CSMD1: variants seen among roughly 807,000 people sequenced by gnomAD.
CSMD1 encodes the protein CUB and sushi domain-containing protein 1.
A neutral mutation model predicts 417.5 loss-of-function variants in CSMD1; 213 were observed. That is an observed-to-expected ratio of 0.51 (90% confidence interval 0.46 to 0.57). CSMD1 has a LOEUF of 0.57. Among genes scored for constraint, CSMD1 ranks in the 20% least tolerant of loss-of-function variants. The pLI is 0.00. For missense variants in CSMD1, 6,923 were observed against 4,529.7 expected (o/e 1.53, Z -15.17); for synonymous variants, 2,862 against 1,736.8 (o/e 1.65, Z -16.11).
intron 1 of CSMD1, among the ~76,000 whole-genome samples, chr8:4,834,576 G>T (rs1288573098): frequency 6.6e-6 from 1 of 151,940 alleles, no homozygotes. Context: ...GAAGTAATAC[G>T]AGTTCAAAAA....
chr8:3,000,598 G>C (rs973110314), intron 52 of CSMD1, among the ~76,000 whole-genome samples: 1 of 152,182 alleles, frequency 6.6e-6, no homozygotes, highest in East Asian at 1.9e-4. Flanking sequence ...CAAATGGAAA[G>C]ACAGGGATCA....
rs77711871 is a variant in CSMD1, at chr8:3,786,348, C to T, written c.819-32306G>A. On this transcript the variant is annotated intron_variant, in intron 5 of 69. Coordinates refer to ENST00000635120, the MANE Select transcript of CSMD1 (RefSeq NM_033225.6). ...GTTGGATGGAGGGTCACTGAGACCA[C>T]GGGCTTGGGTGACCTCATTTAGGGA... 7.5e-3 allele frequency among the ~76,000 whole-genome samples: 1,139 copies of T among 152,102 alleles called. 18 individuals are homozygous for T. The highest frequency in any genetic ancestry group is 0.027 in the African/African-American group (1,101 of 41,472).
chr8:3,499,067 C>T (rs1194952885), intron 10 of CSMD1, among the ~76,000 whole-genome samples: 1 of 152,094 alleles, frequency 6.6e-6, no homozygotes, highest in Non-Finnish European at 1.5e-5. Context: ...GCTTTTTAGA[C>T]ATTTCTTGTG....
intron 2 of CSMD1, among the ~76,000 whole-genome samples, chr8:4,519,468 G>A (rs1489812061): frequency 1.3e-5 from 2 of 151,868 alleles, no homozygotes; most frequent in Non-Finnish European, 2.9e-5. Context: ...AGCTGGGCAT[G>A]GTGGCTCACG....
intron 10 of CSMD1, among the ~76,000 whole-genome samples, chr8:3,511,741 G>A (rs1188923442): frequency 1.4e-5 from 2 of 139,204 alleles, no homozygotes; most frequent in Non-Finnish European, 3.1e-5. Context: ...GGGTGACAGA[G>A]TGAGACTCCA....
chr8:4,740,504 G>T (rs1477709559), intron 1 of CSMD1, among the ~76,000 whole-genome samples: 1 of 152,152 alleles, frequency 6.6e-6, no homozygotes, highest in Non-Finnish European at 1.5e-5. Context: ...GTAAATGACA[G>T]AAATTTTCTT....
chr8:3,451,707 T>G (rs1177199922), intron 12 of CSMD1, among the ~76,000 whole-genome samples: 1 of 152,236 alleles, frequency 6.6e-6, no homozygotes, highest in Non-Finnish European at 1.5e-5. Flanking sequence ...CATGCTGTTT[T>G]GGTTACGGTA....
chr8:3,473,691 G>T (rs148020126), intron 11 of CSMD1, among the ~76,000 whole-genome samples: 1 of 152,166 alleles, frequency 6.6e-6, no homozygotes, highest in Non-Finnish European at 1.5e-5. Flanking sequence ...TTTGTTGAAT[G>T]TCATTTCATT....
chr8:3,724,747 C>A (rs564781155), intron 6 of CSMD1, among the ~76,000 whole-genome samples: 2 of 152,282 alleles, frequency 1.3e-5, no homozygotes, highest in Admixed American at 1.3e-4. Flanking sequence ...TTAGTATTTT[C>A]TTCTGTTATG....
At chr8:3,108,137 G>T (rs1006312524) in intron 44 of CSMD1, among the ~76,000 whole-genome samples, 6 of 152,186 alleles carry the variant, frequency 3.9e-5, no homozygotes, top group African/African-American at 1.2e-4. Context: ...GATAACGTCT[G>T]CCCTGTCCCG....
At position 3,223,815 on chromosome 8, in the gene CSMD1, G is replaced by A. The variant is rs1286567338; in HGVS notation, c.4398C>T (p.Asn1466=). 6.2e-7 allele frequency: 1 copy of A among 1,613,894 alleles called. No individual in the cohort carries two copies. Among genetic ancestry groups the A allele is most frequent in the African/African-American group, 1.3e-5 (1 of 75,032 alleles). ...TCCCAGGAGGATACGGCTGTGGGTA[G>A]TTGGGTGACAAAATAACACCTGCTG... ...TGPAGVILSP[N]YPQPYPPGKE... is the part of the protein sequence containing the mutation. The change falls in exon 28 of 70, where the codon AAC becomes AAT. Residue 1466 remains asparagine, a synonymous_variant. Transcript: ENST00000635120.
intron 3 of CSMD1, among the ~76,000 whole-genome samples, chr8:4,204,565 A>G (rs895059581): frequency 2.0e-5 from 3 of 152,174 alleles, no homozygotes; most frequent in African/African-American, 4.8e-5. Flanking sequence ...CCTTTTCTAT[A>G]CTGAGAGGAA....
At position 3,340,891 on chromosome 8, in the gene CSMD1, A is replaced by T. The variant is rs183127584; in HGVS notation, c.3631+2403T>A. On this transcript the variant is annotated intron_variant, in intron 23 of 69. Transcript: ENST00000635120. The stretch of plus-strand genomic sequence containing the variant: ...GGAACAGAAAGGTGAAACAGGGAGA[A>T]CAAGAAAATTACTCCTGTCAAATTG... Among the ~76,000 whole-genome samples the T allele has an allele frequency of 9.9e-4, 151 of 152,322 alleles. 1 individual carries two copies. The highest frequency in any genetic ancestry group is 3.6e-3 in the African/African-American group (148 of 41,574).
intron 3 of CSMD1, among the ~76,000 whole-genome samples, chr8:4,326,599 C>T (rs545344675): frequency 6.6e-6 from 1 of 152,174 alleles, no homozygotes; most frequent in African/African-American, 2.4e-5. Context: ...TTCTCTCCTA[C>T]GGAGAAAACA....
intron 5 of CSMD1, among the ~76,000 whole-genome samples, chr8:3,968,687 G>C (rs1351781927): frequency 6.6e-6 from 1 of 152,116 alleles, no homozygotes; most frequent in Non-Finnish European, 1.5e-5. Context: ...TAGTCATTAA[G>C]CTTGCTCTTA....
chr8:3,793,087 A>C (rs1000608025), intron 5 of CSMD1, among the ~76,000 whole-genome samples: 6 of 152,156 alleles, frequency 3.9e-5, no homozygotes, highest in African/African-American at 1.4e-4. Context: ...GGGGCAATTA[A>C]CACTTCCAAA....
intron 3 of CSMD1, among the ~76,000 whole-genome samples, chr8:4,327,639 C>G (rs142536324): frequency 2.6e-5 from 4 of 152,154 alleles, no homozygotes; most frequent in Admixed American, 1.3e-4. Flanking sequence ...ACAACAACAA[C>G]AAAAAACAAC....
intron 21 of CSMD1, among the ~76,000 whole-genome samples, chr8:3,349,697 T>C (rs947175993): frequency 2.0e-5 from 3 of 148,872 alleles, no homozygotes; most frequent in Admixed American, 6.8e-5. Flanking sequence ...GAAATTTATA[T>C]GTATATATAC....
intron 6 of CSMD1, among the ~76,000 whole-genome samples, chr8:3,739,073 G>A (rs566322997): frequency 6.6e-6 from 1 of 152,238 alleles, no homozygotes; most frequent in South Asian, 2.1e-4. Flanking sequence ...CCTGACACAG[G>A]TTTAATTTCA....
Sources: gnomAD v4.1 joint callset for allele counts (sites outside exome capture counted in the v4.1 genomes callset) on GRCh38, gnomAD v4.1.1 for gene constraint, MANE v1.5 for transcripts, NCBI Gene and HGNC (gene_info 2026-07-23, HGNC 2026-07-21) for gene names.